Variants in KCNQ1 observed in about 807,000 individuals in gnomAD.
The protein encoded by KCNQ1 is potassium voltage-gated channel subfamily Q member 1, also known as potassium voltage-gated channel subfamily KQT member 1.
In KCNQ1, 49 loss-of-function variants were observed where a neutral mutation model predicts 72.4. That is an observed-to-expected ratio of 0.68 (90% CI 0.54 to 0.86). The LOEUF (loss-of-function observed/expected upper bound fraction) is 0.86, where lower values mean the gene tolerates loss of function less well. KCNQ1 is among the 40% of genes least tolerant of loss of function. KCNQ1 has a pLI of 0.00. For synonymous variants in KCNQ1, 450 were observed against 412.6 expected, an observed-to-expected ratio of 1.09 and a Z score of -1.10; for missense variants, 790 against 945.1, an observed-to-expected ratio of 0.84 and a Z score of 2.15.
chr11:2,686,927 CTCCGTGATGCGGAGCA>C (rs1850499444), intron 11 of KCNQ1: 1 of 398,544 alleles, frequency 2.5e-6, no homozygotes, highest in Admixed American at 4.4e-5. Context: ...CCATGCAGGT[CTCCGTGATGCGGAGCA>C]TGCCCAGCTT....
rs554115703 is a variant in KCNQ1 at position 2,592,169 on chromosome 11, C to T, written c.1393+3315C>T. Among the ~76,000 whole-genome samples, 1 of 152,352 alleles carries T rather than the reference C, an allele frequency of 6.6e-6. No individual in the cohort carries two copies. The highest frequency in any genetic ancestry group is 2.4e-5 in the African/African-American group (1 of 41,592). On this transcript the variant is annotated intron_variant, in intron 10 of 15. Coordinates refer to ENST00000155840, the MANE Select transcript of KCNQ1 (RefSeq NM_000218.3). The surrounding 1 kb of genome is among the most constrained non-coding windows in gnomAD (Gnocchi z 5.2). Reference sequence around the variant, plus strand: ...TGCGCCATCCACCTGCACACAAGCCCCTTCAGCTCGTGCTCTAGCTGGTGC... The same window carrying T: ...TGCGCCATCCACCTGCACACAAGCCTCTTCAGCTCGTGCTCTAGCTGGTGC...
At chr11:2,667,297 C>A (rs1435627465) in intron 11 of KCNQ1, 3 of 398,526 alleles carry the variant, frequency 7.5e-6, no homozygotes, top group Non-Finnish European at 8.8e-6. Flanking sequence ...GAGAGGGCCG[C>A]ACTGTCTAGG....
intron 2 of KCNQ1, among the ~76,000 whole-genome samples, chr11:2,528,325 T>C (rs1847546436): frequency 6.6e-6 from 1 of 152,098 alleles, no homozygotes; most frequent in Admixed American, 6.5e-5. Context: ...AGGGTAGAGC[T>C]GGTGTGGCCA....
rs772565627 is a variant in KCNQ1 at position 2,571,338 on chromosome 11, C to T, written c.618C>T (p.Val206=). The change falls in exon 4 of 16, where the codon GTC becomes GTT. Residue 206 remains valine (V), a synonymous_variant. Coordinates refer to ENST00000155840, the MANE Select transcript of KCNQ1 (RefSeq NM_000218.3). Reference sequence around the variant, plus strand: ...TGCACTCCACAGACCTCATCGTGGTCGTGGCCTCCATGGTGGTCCTCTGCG... The same window carrying T: ...TGCACTCCACAGACCTCATCGTGGTTGTGGCCTCCATGGTGGTCCTCTGCG... ...KPISIIDLIV[V]VASMVVLCVG... 8.7e-6 allele frequency: 14 copies of T among 1,613,248 alleles called. No individual in the cohort carries two copies. The South Asian group carries it at 8.8e-5, about 10-fold the overall frequency.
chr11:2,656,236 A>G (rs1330990177), intron 10 of KCNQ1: 2 of 398,564 alleles, frequency 5.0e-6, no homozygotes, highest in African/African-American at 4.1e-5. Flanking sequence ...CTGTCACTTG[A>G]CAACTGCATT....
At chr11:2,452,073 G>A (rs1846125891) in intron 1 of KCNQ1, among the ~76,000 whole-genome samples, 1 of 152,210 alleles carries the variant, frequency 6.6e-6, no homozygotes, top group East Asian at 1.9e-4. Context: ...CAGCGGGTGA[G>A]CTACGGCTGC....
In KCNQ1 at chr11:2,667,425, C is replaced by T. The variant is rs759673392; in HGVS notation, c.1514+5344C>T. Reference sequence around the variant, plus strand: ...CTCAGCCCTCTCCACTTGTGAACTCCCAGCCATGATGCTGCTCAGGTCCTC... The same window carrying T: ...CTCAGCCCTCTCCACTTGTGAACTCTCAGCCATGATGCTGCTCAGGTCCTC... On this transcript the variant is annotated intron_variant, in intron 11 of 15. Coordinates refer to ENST00000155840, the MANE Select transcript of KCNQ1 (RefSeq NM_000218.3). The T allele has an allele frequency of 1.3e-3, 500 of 398,728 alleles. No individual in the cohort carries two copies. Among genetic ancestry groups the T allele is most frequent in the Non-Finnish European group, 1.2e-3 (265 of 226,176 alleles). The allele number at this position is 398,728 out of a possible 1,614,324, so 24.7% of individuals were successfully genotyped here. A position where few individuals can be genotyped will look rare whatever the true frequency, so the allele number is the denominator to read the frequency against.
At chr11:2,760,864 C>T (rs1846381977) in intron 11 of KCNQ1, among the ~76,000 whole-genome samples, 2 of 152,218 alleles carry the variant, frequency 1.3e-5, no homozygotes, top group Admixed American at 6.5e-5. Context: ...TACAGTCGGA[C>T]AGGTTGTGGG....
Position 2,826,662 on chromosome 11 carries a change from A to G in KCNQ1, c.1795-21105A>G, listed in dbSNP as rs1296841427. Among the ~76,000 whole-genome samples, 2 of 152,216 alleles carry G rather than the reference A, an allele frequency of 1.3e-5. No homozygotes were observed. Among genetic ancestry groups the G allele is most frequent in the Non-Finnish European group, 2.9e-5 (2 of 68,034 alleles). On this transcript the variant is annotated intron_variant, in intron 15 of 15. Coordinates refer to ENST00000155840, the MANE Select transcript of KCNQ1 (RefSeq NM_000218.3). This position sits in a 1 kb window ranked among gnomAD's most constrained non-coding sequence, Gnocchi z 4.2. ...ACCCAGCCCACCACTGTGCTCCCAG[A>G]GGGAGAACAGAGAGGGGTGCAGAGG...
At chr11:2,798,990 A>G (rs895733263) in intron 15 of KCNQ1, among the ~76,000 whole-genome samples, 26 of 152,208 alleles carry the variant, frequency 1.7e-4, no homozygotes, top group African/African-American at 6.3e-4. Context: ...GGAAGGGGAC[A>G]TTAGACAAGA....
At position 2,612,803 on chromosome 11, in the gene KCNQ1, C is replaced by T. The variant is rs763561778; in HGVS notation, c.1393+23949C>T. ...CACAATTTTCTGTTTCTTTGCATAT[C>T]TCATTTTTTTTGTTAAAAACTTACT... On this transcript the variant is annotated intron_variant, in intron 10 of 15. Coordinates refer to ENST00000155840, the MANE Select transcript of KCNQ1 (RefSeq NM_000218.3). The surrounding 1 kb of genome is among the most constrained non-coding windows in gnomAD (Gnocchi z 5.5). 3.5e-5 allele frequency: 14 copies of T among 398,334 alleles called. No homozygotes were observed. The highest frequency in any genetic ancestry group is 6.2e-5 in the Non-Finnish European group (14 of 226,024). 24.7% of individuals were successfully genotyped at this position (398,334 alleles called of 1,614,324 possible).
chr11:2,561,021 T>G (rs1199197656), intron 2 of KCNQ1, among the ~76,000 whole-genome samples: 2 of 150,978 alleles, frequency 1.3e-5, no homozygotes, highest in East Asian at 3.9e-4. Context: ...GCTAACACGG[T>G]GAAACCCCGT....
intron 4 of KCNQ1, 97 bp downstream of exon 4, chr11:2,571,500 A>T: frequency 1.0e-6 from 1 of 987,166 alleles, no homozygotes; most frequent in Non-Finnish European, 1.6e-6. Context: ...CCTTGCTCAG[A>T]TGCAAGGTGC....
At chr11:2,573,473 A>G (rs1363719542) in intron 6 of KCNQ1, among the ~76,000 whole-genome samples, 2 of 152,224 alleles carry the variant, frequency 1.3e-5, no homozygotes, top group Non-Finnish European at 2.9e-5. Flanking sequence ...CAAACAGGAA[A>G]GACCATGATG....
intron 1 of KCNQ1, among the ~76,000 whole-genome samples, chr11:2,489,104 C>A (rs1024054139): frequency 2.0e-5 from 3 of 152,194 alleles, no homozygotes; most frequent in Non-Finnish European, 4.4e-5. Flanking sequence ...GATAAGCAAT[C>A]ACAGTATCTG....
At chr11:2,696,698 G>C (rs970843344) in intron 11 of KCNQ1, 3 of 398,458 alleles carry the variant, frequency 7.5e-6, no homozygotes, top group Non-Finnish European at 1.3e-5. Flanking sequence ...AAAATAAAAT[G>C]TCTCTGCATA....
chr11:2,506,378 G>A (rs1021068585), intron 1 of KCNQ1, among the ~76,000 whole-genome samples: 10 of 152,076 alleles, frequency 6.6e-5, no homozygotes, highest in African/African-American at 2.2e-4. Flanking sequence ...CAGTTCGTGG[G>A]GTCCTTCCAT....
chr11:2,545,226 A>T (rs541059475), intron 2 of KCNQ1, among the ~76,000 whole-genome samples: 285 of 152,226 alleles, frequency 1.9e-3, no homozygotes, highest in African/African-American at 6.6e-3. Flanking sequence ...TTCATGAGGG[A>T]TATTGTCTAT....
chr11:2,670,026 G>A lies in KCNQ1; in HGVS notation c.1514+7945G>A. 1 of 398,634 alleles carries A rather than the reference G, an allele frequency of 2.5e-6. No homozygotes were observed. The allele number at this position is 398,634 out of a possible 1,614,324, so 24.7% of individuals were successfully genotyped here. On this transcript the variant is annotated intron_variant, in intron 11 of 15. Coordinates refer to ENST00000155840, the MANE Select transcript of KCNQ1 (RefSeq NM_000218.3). This position sits in a 1 kb window ranked among gnomAD's most constrained non-coding sequence, Gnocchi z 4.9. The stretch of plus-strand genomic sequence containing the variant: ...CAGGAGCTGTTGGGGTCCCGTGGAG[G>A]TACAGGCGGAAACCTAGCACTCACT...
Sources: gnomAD v4.1 joint callset for allele counts (sites outside exome capture counted in the v4.1 genomes callset) on GRCh38, gnomAD v4.1.1 for gene constraint, Gnocchi (gnomAD v3.1) non-coding constraint, MANE v1.5 for transcripts, NCBI Gene and HGNC (gene_info 2026-07-23, HGNC 2026-07-21) for gene names.